Variants in TPH2 observed in about 807,000 individuals in gnomAD.
The protein encoded by TPH2 is tryptophan hydroxylase 2, also known as tryptophan 5-hydroxylase 2.
Under a neutral mutation model 59.1 loss-of-function variants are expected in TPH2, and 27 were observed. The ratio of observed to expected loss-of-function variants is 0.46; its 90% confidence interval spans 0.34 to 0.63. The LOEUF is 0.63. Ranked by LOEUF, TPH2 falls within the 30% of genes least tolerant of loss-of-function variation. TPH2 has a pLI of 0.01. For missense variants in TPH2, 523 were observed against 588.3 expected (o/e 0.89, Z 1.15); for synonymous variants, 220 against 210.5 (o/e 1.05, Z -0.39).
rs556504365 is a variant in TPH2 at position 71,960,931 on chromosome 12, T to C, written c.608+11276T>C. Among the ~76,000 whole-genome samples, 8 of 152,316 alleles carry C rather than the reference T, an allele frequency of 5.3e-5. No homozygotes were observed. The East Asian group carries it at 1.3e-3, about 26-fold the overall frequency. On this transcript the variant is annotated intron_variant, in intron 5 of 10. Transcript: ENST00000333850. The stretch of plus-strand genomic sequence containing the variant: ...CAGGGAAGTGATGAAATTTTATTCA[T>C]TTTTATACACCTGGAGGAAGAGAAT...
At chr12:72,020,673 G>A (rs1317616238) in intron 8 of TPH2, among the ~76,000 whole-genome samples, 1 of 152,078 alleles carries the variant, frequency 6.6e-6, no homozygotes, top group Non-Finnish European at 1.5e-5. Context: ...TTTTAGTAGA[G>A]ATGGGGTTTC....
intron 8 of TPH2, among the ~76,000 whole-genome samples, chr12:71,997,790 A>C (rs915112524): frequency 1.3e-5 from 2 of 152,206 alleles, no homozygotes; most frequent in African/African-American, 2.4e-5. Context: ...TAGTTTCTTC[A>C]AGAAAGTCAC....
At chr12:71,980,288 G>A (rs1450957820) in intron 7 of TPH2, among the ~76,000 whole-genome samples, 5 of 152,124 alleles carry the variant, frequency 3.3e-5, no homozygotes, top group Non-Finnish European at 7.4e-5. Context: ...TCAGGGTATC[G>A]CTTTGCTTAT....
At chr12:72,020,667 A>G (rs1054196753) in intron 8 of TPH2, among the ~76,000 whole-genome samples, 1 of 151,990 alleles carries the variant, frequency 6.6e-6, no homozygotes, top group Non-Finnish European at 1.5e-5. Context: ...TTGTATTTTT[A>G]GTAGAGATGG....
chr12:72,030,011 A>G (rs1197834476), intron 9 of TPH2, among the ~76,000 whole-genome samples: 1 of 152,130 alleles, frequency 6.6e-6, no homozygotes, highest in Non-Finnish European at 1.5e-5. Context: ...AGGCTGGGAT[A>G]GAGATTGTCT....
At chr12:71,939,195 A>T (rs1374443172) in intron 1 of TPH2, 104 bp downstream of exon 1, 1 of 837,950 alleles carries the variant, frequency 1.2e-6, no homozygotes, top group African/African-American at 1.7e-5. Context: ...GCACACCTCA[A>T]ATTTCTCCTT....
At chr12:71,940,845 T>A (rs993628641) in intron 1 of TPH2, among the ~76,000 whole-genome samples, 2 of 152,178 alleles carry the variant, frequency 1.3e-5, no homozygotes, top group Non-Finnish European at 2.9e-5. Context: ...TCTTTTTCAG[T>A]TTCTCAGATT....
At chr12:71,940,825 G>A (rs1871036637) in intron 1 of TPH2, among the ~76,000 whole-genome samples, 2 of 152,214 alleles carry the variant, frequency 1.3e-5, no homozygotes, top group Admixed American at 6.5e-5. Flanking sequence ...AGTGGCTAAT[G>A]AAGTGTTAAT....
intron 8 of TPH2, among the ~76,000 whole-genome samples, chr12:72,000,744 T>G (rs573824971): frequency 3.9e-5 from 6 of 152,358 alleles, no homozygotes; most frequent in African/African-American, 1.4e-4. Flanking sequence ...TATGACTTAT[T>G]CAAGCCCTGA....
chr12:72,030,248 A>G (rs1390710050), intron 9 of TPH2, among the ~76,000 whole-genome samples: 1 of 152,162 alleles, frequency 6.6e-6, no homozygotes, highest in African/African-American at 2.4e-5. Context: ...TTCTCAATAT[A>G]TAGTTCACAA....
At chr12:71,946,958 C>T (rs1349862385) in intron 4 of TPH2, among the ~76,000 whole-genome samples, 2 of 152,118 alleles carry the variant, frequency 1.3e-5, no homozygotes, top group Non-Finnish European at 2.9e-5. Context: ...TGGGACCACA[C>T]TTTGAGGAGC....
intron 8 of TPH2, among the ~76,000 whole-genome samples, chr12:72,019,031 C>G (rs1395141960): frequency 2.0e-5 from 3 of 152,194 alleles, no homozygotes; most frequent in Non-Finnish European, 2.9e-5. Context: ...GTGCTTTATT[C>G]TATGACTGTA....
At chr12:71,990,518 A>G (rs1364415407) in intron 7 of TPH2, among the ~76,000 whole-genome samples, 2 of 152,240 alleles carry the variant, frequency 1.3e-5, no homozygotes, top group African/African-American at 4.8e-5. Flanking sequence ...AATCTAAAAA[A>G]ATGTAAACTT....
At chr12:71,956,685 CT>C (rs1871516165) in intron 5 of TPH2, among the ~76,000 whole-genome samples, 1 of 151,972 alleles carries the variant, frequency 6.6e-6, no homozygotes, top group Admixed American at 6.6e-5. Flanking sequence ...TTTTAGCTCA[CT>C]GCAACCTTGA....
Position 71,972,563 on chromosome 12 carries a change from A to C in TPH2, c.653A>C (p.Lys218Thr). ...PRVEYTEEET[K>T]TWGVVFRELS... ...GTGGAGTATACTGAAGAAGAAACTA[A>C]AACTTGGGGTGTTGTATTCCGGGAG... is the stretch of plus-strand genomic sequence containing the variant. Residue 218 changes from lysine (K) to threonine (T), a missense_variant, in exon 6 of 11, where the codon AAA (lysine) becomes ACA (threonine). Coordinates refer to ENST00000333850, the MANE Select transcript of TPH2 (RefSeq NM_173353.4). 6.2e-7 allele frequency: 1 copy of C among 1,614,138 alleles called. No homozygotes were observed.
chr12:72,013,358 G>A (rs1368442977), intron 8 of TPH2, among the ~76,000 whole-genome samples: 1 of 152,018 alleles, frequency 6.6e-6, no homozygotes, highest in African/African-American at 2.4e-5. Flanking sequence ...GGTAAAAGAG[G>A]CCATCTCTGC....
chr12:71,979,297 C>T (rs1469719822), intron 7 of TPH2, among the ~76,000 whole-genome samples: 3 of 152,158 alleles, frequency 2.0e-5, no homozygotes, highest in East Asian at 3.9e-4. Context: ...AGCTCTGGCT[C>T]GATGCTCTAG....
intron 8 of TPH2, 53 bp from the exon 9 acceptor site, chr12:72,022,346 C>T: frequency 7.5e-7 from 1 of 1,326,718 alleles, no homozygotes; most frequent in Admixed American, 1.7e-5. Flanking sequence ...CCATTTAATC[C>T]TATCAAATAA....
intron 9 of TPH2, among the ~76,000 whole-genome samples, chr12:72,025,192 A>G (rs1873533782): frequency 6.6e-6 from 1 of 152,164 alleles, no homozygotes; most frequent in Admixed American, 6.6e-5. Flanking sequence ...ACAAGCTTAC[A>G]GTTTTGAGTG....
Sources: gnomAD v4.1 joint callset for allele counts (sites outside exome capture counted in the v4.1 genomes callset) on GRCh38, gnomAD v4.1.1 for gene constraint, MANE v1.5 for transcripts, NCBI Gene and HGNC (gene_info 2026-07-23, HGNC 2026-07-21) for gene names.